KCNA2: variants seen among roughly 807,000 people sequenced by gnomAD.
The protein encoded by KCNA2 is potassium channel, voltage gated shaker related subfamily A, member 2.
Under a neutral mutation model 33.4 loss-of-function variants are expected in KCNA2, and 11 were observed. The ratio of observed to expected loss-of-function variants is 0.33; its 90% CI spans 0.21 to 0.55. The LOEUF (loss-of-function observed/expected upper bound fraction) is 0.55, where lower values mean the gene tolerates loss of function less well. KCNA2 is among the 20% of genes least tolerant of loss of function. KCNA2 has a pLI of 0.93. For missense variants in KCNA2, 291 were observed against 621.6 expected (o/e 0.47, Z 5.66); for synonymous variants, 222 against 231.3 (o/e 0.96, Z 0.37).
chr1:110,593,843 G>C lies in KCNA2; in HGVS notation c.*9440C>G, dbSNP rs569128112. 1,992 of 1,548,694 alleles carry C rather than the reference G, an allele frequency of 1.3e-3. 4 individuals are homozygous for C. Among genetic ancestry groups the C allele is most frequent in the Non-Finnish European group, 1.6e-3 (1,874 of 1,146,140 alleles). The stretch of plus-strand genomic sequence containing the variant: ...AGCTGCAGAAGTCCTGGGTGGGGCA[G>C]TGTTGGTGGGGCTGAAAGCTTCCAG... On this transcript the variant is annotated 3_prime_UTR_variant, in exon 3 of 3. Coordinates refer to ENST00000316361, the MANE Select transcript of KCNA2 (RefSeq NM_004974.4).
intron 1 of KCNA2, among the ~76,000 whole-genome samples, chr1:110,611,867 A>G (rs1420945770): frequency 6.6e-6 from 1 of 152,008 alleles, no homozygotes; most frequent in Non-Finnish European, 1.5e-5. Flanking sequence ...TACAAAAAAT[A>G]CAAAAATTAG....
rs1649430915 is a variant in KCNA2 at position 110,603,144 on chromosome 1, A to G, written c.*139T>C. ...TCTGTGTTCTAAATCAAAAGTCAAAAGATCAAAAGTCACTTGCACAACTAT... is the reference window on the plus strand; with the variant it reads ...TCTGTGTTCTAAATCAAAAGTCAAAGGATCAAAAGTCACTTGCACAACTAT... On this transcript the variant is annotated 3_prime_UTR_variant, in exon 3 of 3. Coordinates refer to ENST00000316361, the MANE Select transcript of KCNA2 (RefSeq NM_004974.4). This position sits in a 1 kb window ranked among gnomAD's most constrained non-coding sequence, Gnocchi z 5.7. The G allele has an allele frequency of 6.9e-7, 1 of 1,450,884 alleles. No individual in the cohort carries two copies. Among genetic ancestry groups the G allele is most frequent in the Non-Finnish European group, 9.0e-7 (1 of 1,107,006 alleles). 89.9% of individuals were successfully genotyped at this position (1,450,884 alleles called of 1,614,324 possible). A position where few individuals can be genotyped will look rare whatever the true frequency, so the allele number is the denominator to read the frequency against.
At chr1:110,624,655 A>T (rs1029852354) in intron 1 of KCNA2, among the ~76,000 whole-genome samples, 111 of 152,352 alleles carry the variant, frequency 7.3e-4, no homozygotes, top group African/African-American at 2.6e-3. Flanking sequence ...AACAACTACT[A>T]CACATGCTGG....
chr1:110,620,902 A>T (rs937275981), intron 1 of KCNA2, among the ~76,000 whole-genome samples: 1 of 152,112 alleles, frequency 6.6e-6, no homozygotes, highest in Admixed American at 6.5e-5. Flanking sequence ...GTAACAACCA[A>T]CATAGCTTCT....
At position 110,604,345 on chromosome 1, in the gene KCNA2, C is replaced by A; in HGVS notation, c.438G>T (p.Gln146His). The A allele has an allele frequency of 6.2e-7, 1 of 1,613,710 alleles. No homozygotes were observed. The highest frequency in any genetic ancestry group is 8.5e-7 in the Non-Finnish European group (1 of 1,179,916). ...ATTCAAAGAGAAGCCACACTTGTCT[C>A]TGAAACTCATTTTCAGGCAGAGGAC... ...EERPLPENEF[Q>H]RQVWLLFEYP... The change falls in exon 3 of 3, where the codon CAG becomes CAT. Residue 146 changes from glutamine to histidine, a missense_variant. By Grantham distance (24) the Gln-to-His change is conservative. Coordinates refer to ENST00000316361, the MANE Select transcript of KCNA2 (RefSeq NM_004974.4). The surrounding 1 kb of genome is among the most constrained non-coding windows in gnomAD (Gnocchi z 7.6).
chr1:110,593,669 G>T lies in KCNA2; in HGVS notation c.*9614C>A. The T allele has an allele frequency of 2.5e-6, 1 of 395,696 alleles. No homozygotes were observed. Among genetic ancestry groups the T allele is most frequent in the Non-Finnish European group, 4.4e-6 (1 of 225,318 alleles). The allele number at this position is 395,696 out of a possible 1,614,324, so 24.5% of individuals were successfully genotyped here. ...TATATATTTATATACTTATTTACTT[G>T]TGTCAATATTTACAAAAGACTGTGG... On this transcript the variant is annotated 3_prime_UTR_variant, in exon 3 of 3. Coordinates refer to ENST00000316361, the MANE Select transcript of KCNA2 (RefSeq NM_004974.4).
In KCNA2 at chr1:110,604,907, C is replaced by T. The variant is rs751016438; in HGVS notation, c.-125G>A. Reference sequence around the variant, plus strand: ...GGCCTGGTCTCCTGCAGGAGAGCCCCGAGAGCTCTCTGAGAGCTGGAGAGA... The same window carrying T: ...GGCCTGGTCTCCTGCAGGAGAGCCCTGAGAGCTCTCTGAGAGCTGGAGAGA... On this transcript the variant is annotated 5_prime_UTR_variant, in exon 3 of 3. Coordinates refer to ENST00000316361, the MANE Select transcript of KCNA2 (RefSeq NM_004974.4). This position sits in a 1 kb window ranked among gnomAD's most constrained non-coding sequence, Gnocchi z 7.6. 1.5e-4 allele frequency: 126 copies of T among 868,784 alleles called. No homozygotes were observed. Among genetic ancestry groups the T allele is most frequent in the Non-Finnish European group, 2.0e-4 (110 of 551,822 alleles). 53.8% of individuals were successfully genotyped at this position (868,784 alleles called of 1,614,324 possible).
In KCNA2 at chr1:110,599,636, C is replaced by A. The variant is rs1475606204; in HGVS notation, c.*3647G>T. ...CTCAACTTCCTGACCGTGCCCCCAA[C>A]AAAGCTGCAAAGGATGGAAGGGCAA... On this transcript the variant is annotated 3_prime_UTR_variant, in exon 3 of 3. Transcript: ENST00000316361. The A allele has an allele frequency of 2.0e-6, 2 of 985,314 alleles. No homozygotes were observed. The highest frequency in any genetic ancestry group is 2.4e-6 in the Non-Finnish European group (2 of 829,958). 61.0% of individuals were successfully genotyped at this position (985,314 alleles called of 1,614,324 possible).
rs1285255872 is a variant in KCNA2 at position 110,593,944 on chromosome 1, GCAAA to G, written c.*9335_*9338del. On this transcript the variant is annotated 3_prime_UTR_variant, in exon 3 of 3. Transcript: ENST00000316361. ...CAGCTGGTGTCTAAATTTTCAAGAAGCAAACAAATAGTTAAATGACTCCCAACTC... is the reference window on the plus strand; with the variant it reads ...CAGCTGGTGTCTAAATTTTCAAGAAGCAAATAGTTAAATGACTCCCAACTC... 4 of 1,549,316 alleles carry G rather than the reference GCAAA, an allele frequency of 2.6e-6. No individual in the cohort carries two copies. The highest frequency in any genetic ancestry group is 1.4e-5 in the African/African-American group (1 of 72,960).
chr1:110,618,286 A>G lies in KCNA2; in HGVS notation c.-495-12564T>C, dbSNP rs187715208. 6.2e-4 allele frequency among the ~76,000 whole-genome samples: 94 copies of G among 152,356 alleles called. 1 individual carries two copies. Among genetic ancestry groups the G allele is most frequent in the Admixed American group, 5.4e-3 (83 of 15,314 alleles). ...CACTTGAGTCCAAGAGTTCGAGGTT[A>G]CAGTGAGGTATGATCGTGCCACTGC... On this transcript the variant is annotated intron_variant, in intron 1 of 4. Transcript: ENST00000369770.
At chr1:110,618,566 G>C (rs761545565) in intron 1 of KCNA2, among the ~76,000 whole-genome samples, 1 of 152,152 alleles carries the variant, frequency 6.6e-6, no homozygotes, top group Non-Finnish European at 1.5e-5. Flanking sequence ...AAAAGACCCA[G>C]GAGAGCCACG....
intron 1 of KCNA2, among the ~76,000 whole-genome samples, chr1:110,628,708 G>A (rs534478621): frequency 3.6e-4 from 55 of 152,178 alleles, no homozygotes; most frequent in Non-Finnish European, 6.5e-4. Flanking sequence ...AAGGCAGGAG[G>A]TCAGATTAGA....
Position 110,594,436 on chromosome 1 carries a change from T to C in KCNA2, c.*8847A>G, listed in dbSNP as rs995149000. The C allele has an allele frequency of 2.0e-6, 2 of 985,040 alleles. No individual in the cohort carries two copies. The highest frequency in any genetic ancestry group is 6.1e-5 in the Admixed American group (1 of 16,262). 61.0% of individuals were successfully genotyped at this position (985,040 alleles called of 1,614,324 possible). A position where few individuals can be genotyped will look rare whatever the true frequency, so the allele number is the denominator to read the frequency against. On this transcript the variant is annotated 3_prime_UTR_variant, in exon 3 of 3. Transcript: ENST00000316361. ...AAAAGGAAATAGCATCCTCCACTCA[T>C]GAGCTTTACAGCTATGTCCCTGATG... is the stretch of plus-strand genomic sequence containing the variant.
chr1:110,595,707 A>G lies in KCNA2; in HGVS notation c.*7576T>C. 4 of 985,458 alleles carry G rather than the reference A, an allele frequency of 4.1e-6. No homozygotes were observed. The highest frequency in any genetic ancestry group is 4.8e-6 in the Non-Finnish European group (4 of 829,938). The allele number at this position is 985,458 out of a possible 1,614,324, so 61.0% of individuals were successfully genotyped here. On this transcript the variant is annotated 3_prime_UTR_variant, in exon 3 of 3. Coordinates refer to ENST00000316361, the MANE Select transcript of KCNA2 (RefSeq NM_004974.4). ...ACCCCCAAAGAGGCAACTGAATTTC[A>G]GCTGCTCTAATACCCACACCCTCAA...
chr1:110,598,149 T>G lies in KCNA2; in HGVS notation c.*5134A>C. 1 of 830,498 alleles carries G rather than the reference T, an allele frequency of 1.2e-6. No homozygotes were observed. The highest frequency in any genetic ancestry group is 1.5e-6 in the Non-Finnish European group (1 of 688,500). 51.4% of individuals were successfully genotyped at this position (830,498 alleles called of 1,614,324 possible). A position where few individuals can be genotyped will look rare whatever the true frequency, so the allele number is the denominator to read the frequency against. ...CCGGCAATGGATACCTTGCCAAGGCTAGGGGAACCTCCATTGTGCAACCAA... is the reference window on the plus strand; with the variant it reads ...CCGGCAATGGATACCTTGCCAAGGCGAGGGGAACCTCCATTGTGCAACCAA... On this transcript the variant is annotated 3_prime_UTR_variant, in exon 3 of 3. Transcript: ENST00000316361.
In KCNA2 at chr1:110,601,252, T is replaced by A; in HGVS notation, c.*2031A>T. The A allele has an allele frequency of 1.0e-6, 1 of 985,432 alleles. No individual in the cohort carries two copies. The highest frequency in any genetic ancestry group is 4.7e-5 in the South Asian group (1 of 21,284). 61.0% of individuals were successfully genotyped at this position (985,432 alleles called of 1,614,324 possible). A position where few individuals can be genotyped will look rare whatever the true frequency, so the allele number is the denominator to read the frequency against. On this transcript the variant is annotated 3_prime_UTR_variant, in exon 3 of 3. Transcript: ENST00000316361. The stretch of plus-strand genomic sequence containing the variant: ...TGGATCATCTAGGGACTCCATCACT[T>A]AGTCCCGGACTTCAGACATTTCCAC...
chr1:110,595,404 G>C lies in KCNA2; in HGVS notation c.*7879C>G. On this transcript the variant is annotated 3_prime_UTR_variant, in exon 3 of 3. Transcript: ENST00000316361. ...CACCAGCTGGTCATGTCAAGTCTGG[G>C]TTATGGGCTTCTGCTGCCTGATCAC... 3.0e-6 allele frequency: 3 copies of C among 985,464 alleles called. No individual in the cohort carries two copies. Among genetic ancestry groups the C allele is most frequent in the East Asian group, 1.1e-4 (1 of 8,820 alleles). 61.0% of individuals were successfully genotyped at this position (985,464 alleles called of 1,614,324 possible).
In KCNA2 at chr1:110,602,826, G is replaced by A. The variant is rs1288635203; in HGVS notation, c.*457C>T. 6.0e-5 allele frequency: 60 copies of A among 999,680 alleles called. No individual in the cohort carries two copies. Among genetic ancestry groups the A allele is most frequent in the Non-Finnish European group, 6.4e-5 (54 of 839,554 alleles). 61.9% of individuals were successfully genotyped at this position (999,680 alleles called of 1,614,324 possible). ...TGTGTTCTTTTCAATGCAAAAATGA[G>A]TATGACCTTTTGAACAAACACCAGC... On this transcript the variant is annotated 3_prime_UTR_variant, in exon 3 of 3. Transcript: ENST00000316361.
chr1:110,604,711 G>T lies in KCNA2; in HGVS notation c.72C>A (p.Asp24Glu). The change falls in exon 3 of 3, where the codon GAC (aspartate) becomes GAA (glutamate). Residue 24 changes from aspartate (D) to glutamate (E), a missense_variant. This residue lies in a region of KCNA2 where 163 missense variants were observed against 273.5 expected (regional missense o/e 0.60). Coordinates refer to ENST00000316361, the MANE Select transcript of KCNA2 (RefSeq NM_004974.4). This position sits in a 1 kb window ranked among gnomAD's most constrained non-coding sequence, Gnocchi z 7.6. Reference sequence around the variant, plus strand: ...CACAGCACTCGTGGTCTGCCTCTGGGTCATAGGTGTCCTGTGGGTGCCCAG... The same window carrying T: ...CACAGCACTCGTGGTCTGCCTCTGGTTCATAGGTGTCCTGTGGGTGCCCAG... ...ALPGHPQDTY[D>E]PEADHECCER... 1 of 1,614,184 alleles carries T rather than the reference G, an allele frequency of 6.2e-7. No individual in the cohort carries two copies. Among genetic ancestry groups the T allele is most frequent in the Non-Finnish European group, 8.5e-7 (1 of 1,180,030 alleles).
Sources: allele counts gnomAD v4.1 joint callset (sites outside exome capture counted in the v4.1 genomes callset), GRCh38; gene constraint gnomAD v4.1.1; regional missense constraint gnomAD v4.1.1; non-coding constraint Gnocchi (gnomAD v3.1); transcripts MANE v1.5; gene names NCBI Gene and HGNC (gene_info 2026-07-23, HGNC 2026-07-21).